USP15: variants seen among roughly 807,000 people sequenced by gnomAD.
The protein encoded by USP15 is ubiquitin carboxyl-terminal hydrolase 15.
Under a neutral mutation model 127.1 loss-of-function variants are expected in USP15, and 18 were observed. The observed-to-expected ratio is 0.14, with a 90% confidence interval of 0.10 to 0.21. The LOEUF (loss-of-function observed/expected upper bound fraction) is 0.21, where lower values mean the gene tolerates loss of function less well. Among genes scored for constraint, USP15 ranks in the 10% least tolerant of loss-of-function variants. The probability of loss-of-function intolerance (pLI) is 1.00; values close to 1 mark genes in which losing one functional copy is unlikely to be tolerated. For missense variants in USP15, 805 were observed against 1,159.9 expected (o/e 0.69, Z 4.44); for synonymous variants, 364 against 393.7 (o/e 0.92, Z 0.89).
intron 1 of USP15, among the ~76,000 whole-genome samples, chr12:62,269,314 A>G (rs2063282447): frequency 6.6e-6 from 1 of 152,092 alleles, no homozygotes; most frequent in South Asian, 2.1e-4. Context: ...ATTCTAATAC[A>G]ATGGTAAGTA....
At chr12:62,282,448 G>A (rs1450930019) in intron 1 of USP15, among the ~76,000 whole-genome samples, 1 of 152,172 alleles carries the variant, frequency 6.6e-6, no homozygotes, top group Non-Finnish European at 1.5e-5. Context: ...TGTGGATGTG[G>A]TTTCTCAAAA....
At chr12:62,389,359 A>G in intron 11 of USP15, 72 bp from the exon 12 acceptor site, 1 of 1,263,462 alleles carries the variant, frequency 7.9e-7, no homozygotes, top group Non-Finnish European at 1.1e-6. Context: ...GATAGCAACC[A>G]TGAGGTCACT....
At chr12:62,337,723 C>A (rs2065515084) in intron 6 of USP15, among the ~76,000 whole-genome samples, 1 of 150,376 alleles carries the variant, frequency 6.6e-6, no homozygotes, top group Admixed American at 6.7e-5. Context: ...TGAGTGAGAA[C>A]ATGTGGTGTT....
intron 1 of USP15, chr12:62,277,629 C>T (rs2063530311): frequency 6.6e-6 from 1 of 151,688 alleles, no homozygotes. Context: ...TTTTGGCTTC[C>T]CTGGGCCAAA....
chr12:62,402,941 T>A, intron 21 of USP15, among the ~76,000 whole-genome samples: 1 of 152,016 alleles, frequency 6.6e-6, no homozygotes, highest in Middle Eastern at 3.2e-3. Flanking sequence ...GAGAATGGAT[T>A]TATGAGATAT....
chr12:62,320,206 G>A (rs2064946356), intron 4 of USP15, among the ~76,000 whole-genome samples: 3 of 152,178 alleles, frequency 2.0e-5, no homozygotes, highest in Non-Finnish European at 2.9e-5. Context: ...CCTGCTGGGA[G>A]GTGTTTAGAT....
intron 7 of USP15, among the ~76,000 whole-genome samples, chr12:62,351,602 GA>G (rs1266838057): frequency 6.6e-6 from 1 of 151,970 alleles, no homozygotes; most frequent in Admixed American, 6.6e-5. Flanking sequence ...GTAAATACGT[GA>G]CAGTATAATC....
chr12:62,275,510 C>G (rs995826251), intron 1 of USP15, among the ~76,000 whole-genome samples: 5 of 151,720 alleles, frequency 3.3e-5, no homozygotes, highest in Non-Finnish European at 7.4e-5. Context: ...TTGTGAGGGC[C>G]CATTAGACTA....
intron 1 of USP15, among the ~76,000 whole-genome samples, chr12:62,290,541 A>G (rs1229830160): frequency 6.6e-6 from 1 of 152,070 alleles, no homozygotes; most frequent in African/African-American, 2.4e-5. Context: ...ATATAGTTGG[A>G]TCTTGTTTTC....
At chr12:62,318,296 C>T (rs1244827511) in intron 4 of USP15, among the ~76,000 whole-genome samples, 2 of 152,176 alleles carry the variant, frequency 1.3e-5, no homozygotes, top group African/African-American at 2.4e-5. Context: ...CATGAGACAT[C>T]GAAACCTACC....
rs536920762 is a variant in USP15, at chr12:62,318,678, C to A, written c.476-2786C>A. 1.5e-4 allele frequency among the ~76,000 whole-genome samples: 23 copies of A among 152,250 alleles called. 1 individual carries two copies. The South Asian group carries it at 4.4e-3, about 29-fold the overall frequency. ...AAGTCTCCCATAATTCCAGTTTGAA[C>A]TATCCCATATCTTCATTTGTATATC... is the stretch of plus-strand genomic sequence containing the variant. On this transcript the variant is annotated intron_variant, in intron 4 of 21. Coordinates refer to ENST00000280377, the MANE Select transcript of USP15 (RefSeq NM_001252078.2).
chr12:62,392,200 A>T lies in USP15; in HGVS notation c.2305-72A>T, dbSNP rs555883697. On this transcript the variant is annotated intron_variant, in intron 17 of 21. Transcript: ENST00000280377. The stretch of plus-strand genomic sequence containing the variant: ...AGTTTAGGAGTTTTCATTATTATTC[A>T]TAGTAAGATGGTATCACTAAAATGA... The T allele has an allele frequency of 8.2e-6, 8 of 974,496 alleles. No homozygotes were observed. In the South Asian group the frequency reaches 1.2e-4, roughly 15 times the overall value. The allele number at this position is 974,496 out of a possible 1,614,324, so 60.4% of individuals were successfully genotyped here.
intron 7 of USP15, 159 bp from the exon 8 acceptor site, chr12:62,355,172 T>C: frequency 3.3e-6 from 2 of 615,378 alleles, no homozygotes; most frequent in Non-Finnish European, 5.1e-6. Flanking sequence ...GTGAGTTATT[T>C]TTTTGAGGTT....
chr12:62,410,886 A>C lies in USP15; in HGVS notation c.*6511A>C, dbSNP rs2068024273. On this transcript the variant is annotated 3_prime_UTR_variant, in exon 22 of 22. Transcript: ENST00000280377. ...TTTTAATTTTGGGCCTCACTCCTAT[A>C]AAAGACTTGGAACAGAAGTCTTAGT... The C allele has an allele frequency of 6.6e-6, 1 of 151,766 alleles. No homozygotes were observed. Among genetic ancestry groups the C allele is most frequent in the Non-Finnish European group, 1.5e-5 (1 of 67,964 alleles). 9.4% of individuals were successfully genotyped at this position (151,766 alleles called of 1,614,324 possible).
chr12:62,400,082 AGT>A (rs1267302549), intron 20 of USP15, among the ~76,000 whole-genome samples: 1 of 152,180 alleles, frequency 6.6e-6, no homozygotes, highest in African/African-American at 2.4e-5. Context: ...TACCCTACAA[AGT>A]GTCACTTTTT....
intron 19 of USP15, among the ~76,000 whole-genome samples, chr12:62,395,616 T>G (rs1228096829): frequency 2.6e-5 from 4 of 151,930 alleles, no homozygotes; most frequent in Non-Finnish European, 5.9e-5. Context: ...TTTAACCCGT[T>G]AACCATCCCC....
chr12:62,376,497 C>T (rs1311353392), intron 8 of USP15, among the ~76,000 whole-genome samples: 1 of 152,042 alleles, frequency 6.6e-6, no homozygotes, highest in Non-Finnish European at 1.5e-5. Flanking sequence ...AGATCTAGTT[C>T]TCCTGAAACA....
intron 19 of USP15, among the ~76,000 whole-genome samples, chr12:62,394,780 C>T (rs904391451): frequency 1.3e-5 from 2 of 150,788 alleles, no homozygotes; most frequent in East Asian, 1.9e-4. Flanking sequence ...ACCCAGGAGG[C>T]GGAGATTTCA....
At chr12:62,332,169 GA>G (rs909177150) in intron 6 of USP15, among the ~76,000 whole-genome samples, 1,513 of 100,964 alleles carry the variant, frequency 0.015, 14 homozygotes, top group African/African-American at 0.042. Context: ...GTCTCAAAAA[GA>G]AAAAAAAAAA....
Sources: gnomAD v4.1 joint callset for allele counts (sites outside exome capture counted in the v4.1 genomes callset) on GRCh38, gnomAD v4.1.1 for gene constraint, MANE v1.5 for transcripts, NCBI Gene and HGNC (gene_info 2026-07-23, HGNC 2026-07-21) for gene names.